Variants in SMARCA4 observed in about 807,000 individuals in gnomAD.
The protein encoded by SMARCA4 is SWI/SNF related BAF chromatin remodeling complex subunit ATPase 4, also known as SWI/SNF-related matrix-associated actin-dependent regulator of chromatin subfamily A member 4.
SMARCA4 carries 31 observed loss-of-function variants against 193.9 expected under a neutral mutation model. The observed-to-expected ratio is 0.16, with a 90% CI of 0.12 to 0.22. The LOEUF (loss-of-function observed/expected upper bound fraction) is 0.22, where lower values mean the gene tolerates loss of function less well. Ranked by LOEUF, SMARCA4 falls within the 10% of genes least tolerant of loss-of-function variation. The pLI, the probability that SMARCA4 is intolerant of heterozygous loss-of-function variation, is 1.00. For synonymous variants in SMARCA4, 942 were observed against 933.1 expected (o/e 1.01, Z -0.17); for missense variants, 1,148 against 2,296.0 (o/e 0.50, Z 10.22).
chr19:10,992,342 C>T (rs1384002008), intron 8 of SMARCA4, among the ~76,000 whole-genome samples: 1 of 151,332 alleles, frequency 6.6e-6, no homozygotes. Flanking sequence ...GTTTCAAATT[C>T]CTGACCTCAA....
At position 10,986,001 on chromosome 19, in the gene SMARCA4, TC is replaced by T. The variant is rs1239447734; in HGVS notation, c.356-186del. On this transcript the variant is annotated intron_variant, in intron 3 of 34. Coordinates refer to ENST00000344626, the MANE Select transcript of SMARCA4 (RefSeq NM_003072.5). This position sits in a 1 kb window ranked among gnomAD's most constrained non-coding sequence, Gnocchi z 6.7. ...TTACTGAGACGTGGGCCAAACCAAA[TC>T]CACCAGGTCGGCTGCTGGGCTGAGG... Among the ~76,000 whole-genome samples, 9 of 152,126 alleles carry T rather than the reference TC, an allele frequency of 5.9e-5. No individual in the cohort carries two copies. The highest frequency in any genetic ancestry group is 2.2e-4 in the African/African-American group (9 of 41,416).
intron 1 of SMARCA4, among the ~76,000 whole-genome samples, chr19:10,979,759 G>A (rs980418753): frequency 1.3e-5 from 2 of 151,794 alleles, no homozygotes; most frequent in Non-Finnish European, 2.9e-5. Context: ...CACCACACCC[G>A]TCATTTTATT....
rs113870824 is a variant in SMARCA4, at chr19:10,989,305, C to T, written c.1119-12C>T. 7.4e-4 allele frequency: 1,199 copies of T among 1,613,812 alleles called. 17 individuals carry two copies. In the African/African-American group the frequency reaches 0.013, roughly 18 times the overall value. ...CCCTCTCACCGCCTTTGCTCCTTGT[C>T]TCTGCTCCCAGGCTGCAGGCTCGCA... On this transcript the variant is annotated splice_polypyrimidine_tract_variant and intron_variant, in intron 6 of 34. Transcript: ENST00000344626.
intron 30 of SMARCA4, among the ~76,000 whole-genome samples, chr19:11,055,258 C>T (rs977710851): frequency 2.6e-5 from 4 of 152,140 alleles, no homozygotes; most frequent in African/African-American, 7.2e-5. Context: ...GGTGCGATCT[C>T]GGCTCACTGC....
intron 11 of SMARCA4, among the ~76,000 whole-genome samples, chr19:10,999,275 G>A (rs371379099): frequency 1.3e-5 from 2 of 152,176 alleles, no homozygotes; most frequent in East Asian, 3.9e-4. Flanking sequence ...CCTGCTAGTG[G>A]GCCATCACTG....
At position 11,030,832 on chromosome 19, in the gene SMARCA4, G is replaced by A. The variant is rs2146601195; in HGVS notation, c.3485G>A (p.Gly1162Asp). The change falls in exon 25 of 35, where the codon GGC becomes GAC. Residue 1162 changes from glycine (G) to aspartate (D), a missense_variant. This residue lies in a region of SMARCA4 where 74 missense variants were observed against 392.3 expected (regional missense o/e 0.19). Coordinates refer to ENST00000344626, the MANE Select transcript of SMARCA4 (RefSeq NM_003072.5). This position sits in a 1 kb window ranked among gnomAD's most constrained non-coding sequence, Gnocchi z 5.5. ...FLLSTRAGGLGLNLQSADTVI... is the reference protein window; with the variant it reads ...FLLSTRAGGLDLNLQSADTVI... ...CTCAGCACCCGGGCTGGGGGGCTCG[G>A]CCTGAACCTCCAGTCGGCAGACACT... 1 of 1,608,722 alleles carries A rather than the reference G, an allele frequency of 6.2e-7. No homozygotes were observed. The highest frequency in any genetic ancestry group is 1.7e-5 in the Admixed American group (1 of 59,392).
intron 6 of SMARCA4, among the ~76,000 whole-genome samples, chr19:10,988,243 C>G (rs1357884847): frequency 6.6e-6 from 1 of 152,130 alleles, no homozygotes; most frequent in African/African-American, 2.4e-5. Flanking sequence ...GCCTCAGCCT[C>G]CTGAGTAGCT....
intron 30 of SMARCA4, among the ~76,000 whole-genome samples, chr19:11,055,328 T>TATAG (rs1331843700): frequency 6.6e-6 from 1 of 152,142 alleles, no homozygotes; most frequent in Non-Finnish European, 1.5e-5. Context: ...TAGCTGGGAT[T>TATAG]GCAGGTGCCT....
In SMARCA4 at chr19:11,041,410, C is replaced by T. The variant is rs1340211412; in HGVS notation, c.4274C>T (p.Thr1425Ile). 6.2e-7 allele frequency: 1 copy of T among 1,612,358 alleles called. No homozygotes were observed. The highest frequency in any genetic ancestry group is 1.7e-5 in the Admixed American group (1 of 60,016). ...RDSDAGSSTP[T>I]TSTRSRDKDD... Reference sequence around the variant, plus strand: ...AGCGACGCCGGCTCCTCCACCCCGACCACCAGCACCCGCAGCCGCGACAAG... The same window carrying T: ...AGCGACGCCGGCTCCTCCACCCCGATCACCAGCACCCGCAGCCGCGACAAG... Residue 1425 changes from threonine to isoleucine, a missense_variant, in exon 30 of 35, where the codon ACC becomes ATC. Transcript: ENST00000344626. The surrounding 1 kb of genome is among the most constrained non-coding windows in gnomAD (Gnocchi z 5.6).
At chr19:11,035,925 A>T (rs1442119028) in intron 29 of SMARCA4, among the ~76,000 whole-genome samples, 10 of 152,244 alleles carry the variant, frequency 6.6e-5, no homozygotes, top group Non-Finnish European at 1.5e-4. Flanking sequence ...GTTGTGTCAT[A>T]AAAATGTCCT....
intron 8 of SMARCA4, among the ~76,000 whole-genome samples, chr19:10,994,074 C>CGAAA (rs1197324602): frequency 6.6e-6 from 1 of 152,136 alleles, no homozygotes; most frequent in East Asian, 1.9e-4. Context: ...GAGTCTCACT[C>CGAAA]TGTCACCCAG....
At chr19:10,995,368 A>T (rs1026239573) in intron 9 of SMARCA4, 5 of 475,726 alleles carry the variant, frequency 1.1e-5, no homozygotes, top group African/African-American at 2.0e-5. Flanking sequence ...TTGGGCAGAT[A>T]TTGGCAGCGT....
intron 1 of SMARCA4, among the ~76,000 whole-genome samples, chr19:10,973,109 CAA>C (rs147266435): frequency 1.4e-4 from 13 of 92,118 alleles, no homozygotes; most frequent in Admixed American, 2.3e-4. Context: ...AGTCCATCTA[CAA>C]AAAAAAAAAA....
At chr19:10,967,083 T>C (rs1232708899) in intron 1 of SMARCA4, among the ~76,000 whole-genome samples, 1 of 152,144 alleles carries the variant, frequency 6.6e-6, no homozygotes, top group Non-Finnish European at 1.5e-5. Flanking sequence ...TGATTGAAGT[T>C]TTCTGTTAAC....
intron 30 of SMARCA4, among the ~76,000 whole-genome samples, chr19:11,050,541 G>A (rs1465237030): frequency 1.3e-5 from 2 of 152,260 alleles, no homozygotes; most frequent in Admixed American, 1.3e-4. Context: ...TTGCCAATTC[G>A]TGGTGACAGC....
At position 11,060,167 on chromosome 19, in the gene SMARCA4, A is replaced by C; in HGVS notation, c.4891A>C (p.Ser1631Arg). ...RAKPVVSDDDSEEEQEEDRSG... is the reference protein window; with the variant it reads ...RAKPVVSDDDREEEQEEDRSG... ...CAAGCCGGTCGTGAGTGACGATGAC[A>C]GTGAGGAGGAACAAGAGGAGGTGAG... Residue 1631 changes from serine (S) to arginine (R), a missense_variant, in exon 34 of 35, where the codon AGT becomes CGT. Ser to Arg is a moderately radical substitution (Grantham distance 110). Transcript: ENST00000344626. 1.9e-6 allele frequency: 3 copies of C among 1,551,126 alleles called. No individual in the cohort carries two copies. Among genetic ancestry groups the C allele is most frequent in the Non-Finnish European group, 1.7e-6 (2 of 1,146,706 alleles).
At chr19:10,982,233 G>A (rs532510077) in intron 1 of SMARCA4, among the ~76,000 whole-genome samples, 1 of 152,184 alleles carries the variant, frequency 6.6e-6, no homozygotes, top group African/African-American at 2.4e-5. Flanking sequence ...CCAGCACTTT[G>A]GGAGGTCGAG....
intron 6 of SMARCA4, 83 bp from the exon 7 acceptor site, chr19:10,989,234 G>A: frequency 6.4e-7 from 1 of 1,563,366 alleles, no homozygotes. Context: ...CCTCTCTCGA[G>A]GGATGGGTCC....
intron 8 of SMARCA4, among the ~76,000 whole-genome samples, chr19:10,994,605 A>G (rs1029980142): frequency 5.3e-5 from 8 of 151,816 alleles, no homozygotes; most frequent in African/African-American, 1.9e-4. Context: ...GGCATGAGCC[A>G]CTGTGCCCAG....
Sources: allele counts gnomAD v4.1 joint callset (sites outside exome capture counted in the v4.1 genomes callset), GRCh38; gene constraint gnomAD v4.1.1; regional missense constraint gnomAD v4.1.1; non-coding constraint Gnocchi (gnomAD v3.1); transcripts MANE v1.5; gene names NCBI Gene and HGNC (gene_info 2026-07-23, HGNC 2026-07-21).